SLC24A2: variants seen among roughly 807,000 people sequenced by gnomAD.
The protein encoded by SLC24A2 is sodium/potassium/calcium exchanger 2.
In SLC24A2, 36 loss-of-function variants were observed where a neutral mutation model predicts 62.0. That is an observed-to-expected ratio of 0.58 (90% confidence interval 0.44 to 0.77). The LOEUF is 0.77. Ranked by LOEUF, SLC24A2 falls within the 30% of genes least tolerant of loss-of-function variation. SLC24A2 has a pLI of 0.00. For synonymous variants in SLC24A2, 358 were observed against 294.0 expected, an observed-to-expected ratio of 1.22 and a Z score of -2.23; for missense variants, 846 against 817.9, an observed-to-expected ratio of 1.03 and a Z score of -0.42.
At chr9:19,686,142 C>T (rs1486171390) in intron 2 of SLC24A2, among the ~76,000 whole-genome samples, 1 of 151,932 alleles carries the variant, frequency 6.6e-6, no homozygotes, top group African/African-American at 2.4e-5. Flanking sequence ...TACACATGGC[C>T]AAGAAGCATA....
the SLC24A2 span, among the ~76,000 whole-genome samples, chr9:20,073,245 T>C: frequency 3.3e-5 from 5 of 152,184 alleles, no homozygotes; most frequent in Admixed American, 6.6e-5. Flanking sequence ...AGATTGCATC[T>C]TCTTCAAGCT....
At chr9:20,086,208 G>C in the SLC24A2 span, among the ~76,000 whole-genome samples, 11 of 152,252 alleles carry the variant, frequency 7.2e-5, no homozygotes, top group South Asian at 2.3e-3. Context: ...CCCAGATTTG[G>C]TCCTTGATAT....
chr9:19,649,513 T>C (rs570888538), intron 2 of SLC24A2, among the ~76,000 whole-genome samples: 1 of 152,280 alleles, frequency 6.6e-6, no homozygotes, highest in East Asian at 1.9e-4. Flanking sequence ...TGTTTAGACC[T>C]CAATGTGGAT....
At chr9:19,542,160 C>T (rs12551542) in intron 8 of SLC24A2, among the ~76,000 whole-genome samples, 4 of 152,066 alleles carry the variant, frequency 2.6e-5, no homozygotes, top group East Asian at 1.9e-4. Flanking sequence ...AGAAATCACC[C>T]GTCTTCTGCG....
chr9:20,227,886 A>T, the SLC24A2 span, among the ~76,000 whole-genome samples: 1 of 152,318 alleles, frequency 6.6e-6, no homozygotes, highest in South Asian at 2.1e-4. Context: ...TTCCCAAAGG[A>T]AATGTAGTCA....
chr9:20,243,022 A>C, the SLC24A2 span, among the ~76,000 whole-genome samples: 2 of 152,166 alleles, frequency 1.3e-5, no homozygotes, highest in Non-Finnish European at 2.9e-5. Flanking sequence ...TCAATAACCC[A>C]GCAGTGTTTT....
rs112908720 is a variant in SLC24A2, at chr9:19,753,093, G to A, written c.930+32844C>T. 1.4e-3 allele frequency among the ~76,000 whole-genome samples: 220 copies of A among 152,274 alleles called. 1 individual carries two copies. Among genetic ancestry groups the A allele is most frequent in the African/African-American group, 4.3e-3 (180 of 41,560 alleles). On this transcript the variant is annotated intron_variant, in intron 2 of 10. Transcript: ENST00000341998. Reference sequence around the variant, plus strand: ...CTAGATCCACATTTTATCATATTCCGTCCTTTTCTTTGCATACTCTAGCTG... The same window carrying A: ...CTAGATCCACATTTTATCATATTCCATCCTTTTCTTTGCATACTCTAGCTG...
the SLC24A2 span, among the ~76,000 whole-genome samples, chr9:19,806,123 A>C: frequency 2.4e-4 from 36 of 152,308 alleles, 1 homozygote; most frequent in East Asian, 4.8e-3. Context: ...TATTTTAAAA[A>C]TATAATTGTC....
At chr9:20,236,165 G>A in the SLC24A2 span, among the ~76,000 whole-genome samples, 7 of 152,152 alleles carry the variant, frequency 4.6e-5, no homozygotes, top group African/African-American at 1.7e-4. Flanking sequence ...AGGGTAACAC[G>A]TGTCTCTGTG....
chr9:19,905,929 G>A, the SLC24A2 span, among the ~76,000 whole-genome samples: 1,590 of 152,202 alleles, frequency 0.01, 28 homozygotes, highest in African/African-American at 0.037. Context: ...GAGACAGAAA[G>A]TTAACAACGA....
At chr9:20,198,313 C>T in the SLC24A2 span, among the ~76,000 whole-genome samples, 9 of 152,216 alleles carry the variant, frequency 5.9e-5, no homozygotes, top group Non-Finnish European at 5.9e-5. Flanking sequence ...TCTTTGGAGG[C>T]GGGTGGCTGC....
chr9:19,737,768 A>G (rs1821553090), intron 2 of SLC24A2, among the ~76,000 whole-genome samples: 1 of 152,076 alleles, frequency 6.6e-6, no homozygotes, highest in Non-Finnish European at 1.5e-5. Flanking sequence ...TTAAATCAAT[A>G]TTAAGAAAAT....
At chr9:20,171,346 T>TAGA in the SLC24A2 span, among the ~76,000 whole-genome samples, 1 of 151,712 alleles carries the variant, frequency 6.6e-6, no homozygotes, top group African/African-American at 2.4e-5. Context: ...GCATGATGAA[T>TAGA]AGAATAGTAC....
At chr9:19,563,101 A>C (rs779403028) in intron 7 of SLC24A2, among the ~76,000 whole-genome samples, 3 of 152,112 alleles carry the variant, frequency 2.0e-5, no homozygotes, top group Non-Finnish European at 4.4e-5. Context: ...GCAAGACCCC[A>C]ACTCTAAAAA....
intron 7 of SLC24A2, among the ~76,000 whole-genome samples, chr9:19,560,922 G>T (rs200274670): frequency 0.013 from 1,130 of 86,682 alleles, 5 homozygotes; most frequent in African/African-American, 0.025. Context: ...TATATAGAGA[G>T]AGAGAGAGAG....
intron 2 of SLC24A2, among the ~76,000 whole-genome samples, chr9:19,729,642 T>C (rs1014881317): frequency 6.6e-6 from 1 of 151,822 alleles, no homozygotes; most frequent in Non-Finnish European, 1.5e-5. Flanking sequence ...CTCACGCATA[T>C]GTAGAAGCTA....
chr9:19,908,909 T>G, the SLC24A2 span, among the ~76,000 whole-genome samples: 2 of 151,820 alleles, frequency 1.3e-5, no homozygotes, highest in Admixed American at 1.3e-4. Flanking sequence ...TCAACTATTG[T>G]GGAAGTCAGT....
At chr9:19,848,617 G>C in the SLC24A2 span, among the ~76,000 whole-genome samples, 1 of 152,062 alleles carries the variant, frequency 6.6e-6, no homozygotes, top group East Asian at 1.9e-4. Flanking sequence ...TAGAATTATA[G>C]AAATGTAATT....
the SLC24A2 span, among the ~76,000 whole-genome samples, chr9:20,011,154 T>A: frequency 6.6e-6 from 1 of 152,158 alleles, no homozygotes; most frequent in African/African-American, 2.4e-5. Flanking sequence ...GAAATGGTAT[T>A]TCTAGTTCTA....
Sources: allele counts gnomAD v4.1 joint callset (sites outside exome capture counted in the v4.1 genomes callset), GRCh38; gene constraint gnomAD v4.1.1; transcripts MANE v1.5; gene names NCBI Gene and HGNC (gene_info 2026-07-23, HGNC 2026-07-21).